Variants in FMN2 observed in about 807,000 individuals in gnomAD.
FMN2 encodes formin-2.
FMN2 carries 51 observed loss-of-function variants against 142.3 expected under a neutral mutation model. That is an observed-to-expected ratio of 0.36 (90% CI 0.29 to 0.45). The LOEUF is 0.45. Among genes scored for constraint, FMN2 ranks in the 20% least tolerant of loss-of-function variants. The probability of loss-of-function intolerance (pLI) is 1.00; values close to 1 mark genes in which losing one functional copy is unlikely to be tolerated. For missense variants in FMN2, 1,936 were observed against 2,122.8 expected (o/e 0.91, Z 1.73); for synonymous variants, 882 against 869.8 (o/e 1.01, Z -0.25).
chr1:240,121,388 T>G (rs939316898), intron 1 of FMN2, among the ~76,000 whole-genome samples: 1 of 150,804 alleles, frequency 6.6e-6, no homozygotes, highest in Non-Finnish European at 1.5e-5. Flanking sequence ...TTTATTTTTT[T>G]TTTTTTGAGA....
At chr1:240,202,744 A>G (rs1442115887) in intron 4 of FMN2, among the ~76,000 whole-genome samples, 2 of 152,162 alleles carry the variant, frequency 1.3e-5, no homozygotes, top group African/African-American at 2.4e-5. Flanking sequence ...GATTACAGGC[A>G]TGACCACTGT....
At chr1:240,403,815 A>G (rs780282007) in intron 15 of FMN2, among the ~76,000 whole-genome samples, 2 of 152,226 alleles carry the variant, frequency 1.3e-5, no homozygotes, top group Non-Finnish European at 2.9e-5. Flanking sequence ...AATGTACTCA[A>G]TGGATCTCAT....
At chr1:240,472,178 T>C in intron 16 of FMN2, 194 bp from the exon 17 acceptor site, 1 of 523,554 alleles carries the variant, frequency 1.9e-6, no homozygotes, top group Non-Finnish European at 3.4e-6. Flanking sequence ...TAAGAACTCC[T>C]AGATAAATTA....
intron 8 of FMN2, among the ~76,000 whole-genome samples, chr1:240,322,269 T>A (rs917528461): frequency 6.6e-6 from 1 of 152,156 alleles, no homozygotes; most frequent in Non-Finnish European, 1.5e-5. Context: ...CTAAAGCTCC[T>A]TGGCATCTTC....
At chr1:240,367,079 G>T (rs1216114635) in intron 14 of FMN2, among the ~76,000 whole-genome samples, 1 of 152,084 alleles carries the variant, frequency 6.6e-6, no homozygotes, top group Non-Finnish European at 1.5e-5. Context: ...ATCCTTACCA[G>T]CACCGAGTTC....
At chr1:240,423,773 G>T (rs182147572) in intron 15 of FMN2, among the ~76,000 whole-genome samples, 1 of 152,192 alleles carries the variant, frequency 6.6e-6, no homozygotes, top group African/African-American at 2.4e-5. Context: ...AAGACCTCAC[G>T]AGTCCCTTCA....
intron 1 of FMN2, among the ~76,000 whole-genome samples, chr1:240,120,596 T>C (rs956458639): frequency 1.1e-4 from 16 of 152,212 alleles, no homozygotes; most frequent in Non-Finnish European, 1.3e-4. Flanking sequence ...CAAGTTTATA[T>C]GTCAGTGAGG....
chr1:240,143,715 A>G (rs994993872), intron 2 of FMN2: 21 of 1,576,252 alleles, frequency 1.3e-5, no homozygotes, highest in Non-Finnish European at 1.8e-5. Context: ...GAGGAAGCCA[A>G]CGAGCATAAG....
intron 4 of FMN2, among the ~76,000 whole-genome samples, chr1:240,202,450 T>A (rs1355078657): frequency 1.3e-5 from 2 of 152,094 alleles, no homozygotes; most frequent in Non-Finnish European, 2.9e-5. Flanking sequence ...GTGTAATAAT[T>A]GTTACTATGC....
chr1:240,093,358 T>A lies in FMN2; in HGVS notation c.1249T>A (p.Cys417Ser). The A allele has an allele frequency of 1.2e-6, 2 of 1,613,076 alleles. No individual in the cohort carries two copies. Among genetic ancestry groups the A allele is most frequent in the Admixed American group, 3.3e-5 (2 of 59,936 alleles). The stretch of plus-strand genomic sequence containing the variant: ...CAAGCCCTACCCGCTCATCACCCCC[T>A]GCTACATCAAGACCACCACCCGGCA... ...CFKPYPLITP[C>S]YIKTTTRQLS... The change falls in exon 1 of 18, where the codon TGC (cysteine) becomes AGC (serine). Residue 417 changes from cysteine to serine, a missense_variant. Physicochemically the swap from Cys to Ser is moderately radical, Grantham distance 112 (BLOSUM62 -1). This residue lies in a region of FMN2 where 751 missense variants were observed against 791.8 expected (regional missense o/e 0.95). Transcript: ENST00000319653.
chr1:240,441,608 CTTTTTT>C (rs371621331), intron 16 of FMN2, among the ~76,000 whole-genome samples: 1,667 of 125,144 alleles, frequency 0.013, 33 homozygotes, highest in African/African-American at 0.047. Flanking sequence ...GCATATTGGT[CTTTTTT>C]TTTTTTTTTT....
rs1676695020 is a variant in FMN2 at position 240,468,281 on chromosome 1, C to CAT, written c.5061-4090_5061-4089insTA. On this transcript the variant is annotated intron_variant, in intron 16 of 17. Coordinates refer to ENST00000319653, the MANE Select transcript of FMN2 (RefSeq NM_020066.5). ...ATATGCACACACACATATACATATG[C>CAT]ACACACACATATACATATGCACACA... 6.6e-5 allele frequency among the ~76,000 whole-genome samples: 10 copies of CAT among 151,714 alleles called. No individual in the cohort carries two copies. In the South Asian group the frequency reaches 2.1e-3, roughly 32 times the overall value.
intron 6 of FMN2, among the ~76,000 whole-genome samples, chr1:240,249,215 T>A (rs1328838151): frequency 3.9e-5 from 6 of 152,118 alleles, no homozygotes; most frequent in Admixed American, 3.9e-4. Context: ...TTACTTCTAG[T>A]AGATTTATAG....
chr1:240,106,376 T>A (rs1661608846), intron 1 of FMN2, among the ~76,000 whole-genome samples: 1 of 152,238 alleles, frequency 6.6e-6, no homozygotes, highest in Non-Finnish European at 1.5e-5. Context: ...AGATCTCTCT[T>A]GTGAATTTCA....
chr1:240,217,042 C>T (rs1572077971), intron 6 of FMN2, among the ~76,000 whole-genome samples: 2 of 152,114 alleles, frequency 1.3e-5, no homozygotes, highest in Admixed American at 1.3e-4. Flanking sequence ...TAACGTAATA[C>T]CTGTAAGTGT....
rs192313220 is a variant in FMN2, at chr1:240,244,238, A to G, written c.4066-13707A>G. ...TTTAACTAGGAATCAGGAAACTAAA[A>G]CTTTTGTTGTGGCTCTACATTTAGA... On this transcript the variant is annotated intron_variant, in intron 6 of 17. Coordinates refer to ENST00000319653, the MANE Select transcript of FMN2 (RefSeq NM_020066.5). Among the ~76,000 whole-genome samples the G allele has an allele frequency of 2.2e-3, 340 of 152,278 alleles. 2 individuals carry two copies. Among genetic ancestry groups the G allele is most frequent in the Non-Finnish European group, 3.7e-3 (253 of 68,012 alleles).
rs1462278437 is a variant in FMN2 at position 240,189,965 on chromosome 1, T to C, written c.1986+1703T>C. ...TAAATTCTTATGTTCAGGACGTATA[T>C]GAATCAATTGTTACATACGATAATG... On this transcript the variant is annotated intron_variant, in intron 4 of 17. Transcript: ENST00000319653. Among the ~76,000 whole-genome samples, 17 of 152,306 alleles carry C rather than the reference T, an allele frequency of 1.1e-4. No homozygotes were observed. In the East Asian group the frequency reaches 3.3e-3, roughly 29 times the overall value.
At chr1:240,210,206 C>T (rs1403546552) in intron 5 of FMN2, among the ~76,000 whole-genome samples, 1 of 152,100 alleles carries the variant, frequency 6.6e-6, no homozygotes, top group East Asian at 1.9e-4. Context: ...GTCATTGAGA[C>T]AATGCTGTGA....
At chr1:240,175,446 T>G (rs1193430961) in intron 2 of FMN2, among the ~76,000 whole-genome samples, 1 of 152,214 alleles carries the variant, frequency 6.6e-6, no homozygotes, top group Non-Finnish European at 1.5e-5. Context: ...GTATCACTAA[T>G]AGTACACAAT....
Sources: allele counts gnomAD v4.1 joint callset (sites outside exome capture counted in the v4.1 genomes callset), GRCh38; gene constraint gnomAD v4.1.1; regional missense constraint gnomAD v4.1.1; transcripts MANE v1.5; gene names NCBI Gene and HGNC (gene_info 2026-07-23, HGNC 2026-07-21).